SH3BP5: variants seen among roughly 807,000 people sequenced by gnomAD.
SH3BP5 encodes the protein SH3 domain-binding protein 5.
A neutral mutation model predicts 43.3 loss-of-function variants in SH3BP5; 22 were observed. The observed-to-expected ratio is 0.51, with a 90% confidence interval of 0.36 to 0.73. The LOEUF (loss-of-function observed/expected upper bound fraction) is 0.73. Ranked by LOEUF, SH3BP5 falls within the 30% of genes least tolerant of loss-of-function variation. The pLI, the probability that SH3BP5 is intolerant of heterozygous loss-of-function variation, is 0.00. For missense variants in SH3BP5, 529 were observed against 586.9 expected, an observed-to-expected ratio of 0.90 and a Z score of 1.02; for synonymous variants, 255 against 225.8, an observed-to-expected ratio of 1.13 and a Z score of -1.16.
intron 3 of SH3BP5, among the ~76,000 whole-genome samples, chr3:15,290,771 C>T (rs571881629): frequency 1.3e-5 from 2 of 152,176 alleles, no homozygotes; most frequent in East Asian, 3.9e-4. Context: ...CCCATCATTG[C>T]CTTAACTGAA....
chr3:15,310,118 T>C (rs1043972383), intron 2 of SH3BP5, among the ~76,000 whole-genome samples: 2 of 152,178 alleles, frequency 1.3e-5, no homozygotes, highest in Non-Finnish European at 2.9e-5. Context: ...ACAGTCATAC[T>C]CCTAGCCACA....
upstream of SH3BP5, among the ~76,000 whole-genome samples, chr3:15,336,571 G>C (rs976367482): frequency 6.6e-6 from 1 of 152,130 alleles, no homozygotes; most frequent in East Asian, 1.9e-4. Context: ...GGGGATGTGG[G>C]GCAGAGGGCA....
At chr3:15,331,953 A>C in intron 1 of SH3BP5, 1 of 276,674 alleles carries the variant, frequency 3.6e-6, no homozygotes, top group Non-Finnish European at 6.9e-6. Context: ...CCCCGAGGAT[A>C]CCATGGCGCC....
At chr3:15,319,812 G>C (rs922892508) in intron 2 of SH3BP5, among the ~76,000 whole-genome samples, 18 of 152,090 alleles carry the variant, frequency 1.2e-4, no homozygotes, top group Admixed American at 4.6e-4. Context: ...GTCCAACCAA[G>C]CCCTCAAGGA....
chr3:15,261,118 C>T (rs528487068), intron 5 of SH3BP5, among the ~76,000 whole-genome samples: 7 of 152,310 alleles, frequency 4.6e-5, no homozygotes, highest in African/African-American at 1.4e-4. Context: ...CCTCCTGCCT[C>T]CCCTGCAGAA....
At chr3:15,325,631 A>G (rs1219332855) in intron 2 of SH3BP5, among the ~76,000 whole-genome samples, 1 of 152,238 alleles carries the variant, frequency 6.6e-6, no homozygotes, top group Non-Finnish European at 1.5e-5. Context: ...TAAGCCTCAG[A>G]AAAGCAGGGA....
rs1384677987 is a variant in SH3BP5, at chr3:15,262,823, TG to T, written c.496-535del. Among the ~76,000 whole-genome samples the T allele has an allele frequency of 6.6e-5, 10 of 152,052 alleles. No homozygotes were observed. In the East Asian group the frequency reaches 1.9e-3, roughly 30 times the overall value. On this transcript the variant is annotated intron_variant, in intron 4 of 8. Transcript: ENST00000383791. Reference sequence around the variant, plus strand: ...AAATATAAACATTTGCCAGGCATGGTGGCACATGCCTGTAGTCCCAGCTACT... The same window carrying T: ...AAATATAAACATTTGCCAGGCATGGTGCACATGCCTGTAGTCCCAGCTACT...
In SH3BP5 at chr3:15,330,654, C is replaced by A. The variant is rs937128668; in HGVS notation, c.139-88G>T. The A allele has an allele frequency of 9.3e-6, 13 of 1,391,902 alleles. 2 individuals are homozygous for A. Among genetic ancestry groups the A allele is most frequent in the Admixed American group, 6.5e-5 (2 of 30,730 alleles). 86.2% of individuals were successfully genotyped at this position (1,391,902 alleles called of 1,614,324 possible). A position where few individuals can be genotyped will look rare whatever the true frequency, so the allele number is the denominator to read the frequency against. ...TCAGTCCATAACCTGAAAAATTACC[C>A]CAGCCCAATTTGCAGGAAAAGGGAA... On this transcript the variant is annotated intron_variant, in intron 1 of 8. Coordinates refer to ENST00000383791, the MANE Select transcript of SH3BP5 (RefSeq NM_004844.5).
intron 4 of SH3BP5, among the ~76,000 whole-genome samples, chr3:15,266,360 C>T (rs1253892430): frequency 6.6e-6 from 1 of 152,230 alleles, no homozygotes; most frequent in Non-Finnish European, 1.5e-5. Context: ...GAAGGGCTGG[C>T]CCTGCGTCGT....
At chr3:15,296,601 TA>T (rs766135168) in intron 3 of SH3BP5, among the ~76,000 whole-genome samples, 8 of 151,940 alleles carry the variant, frequency 5.3e-5, no homozygotes, top group Non-Finnish European at 8.8e-5. Flanking sequence ...CACAGACATG[TA>T]AAGTAATAAC....
chr3:15,296,772 C>T (rs976626158), intron 3 of SH3BP5, among the ~76,000 whole-genome samples: 1 of 148,260 alleles, frequency 6.7e-6, no homozygotes, highest in African/African-American at 2.5e-5. Flanking sequence ...CAGCTCCACG[C>T]AGCCTTGACT....
chr3:15,292,925 A>C (rs989392206), intron 3 of SH3BP5, among the ~76,000 whole-genome samples: 1 of 152,220 alleles, frequency 6.6e-6, no homozygotes, highest in African/African-American at 2.4e-5. Context: ...AGGCAGAGCC[A>C]GCCAAGCAGG....
At chr3:15,333,819 T>G (rs1307717651), upstream of SH3BP5, among the ~76,000 whole-genome samples, 1 of 152,238 alleles carries the variant, frequency 6.6e-6, no homozygotes, top group Middle Eastern at 3.2e-3. Flanking sequence ...TGTTCATTGC[T>G]CTTTAAATCA....
intron 2 of SH3BP5, among the ~76,000 whole-genome samples, chr3:15,320,640 A>ACACACACACACACACCCCCC (rs373879792): frequency 6.7e-6 from 1 of 149,560 alleles, no homozygotes; most frequent in African/African-American, 2.5e-5. Flanking sequence ...ACACACACAC[A>ACACACACACACACACCCCCC]CCCCACTACG....
chr3:15,258,602 G>A (rs1345862222), intron 7 of SH3BP5: 1 of 564,614 alleles, frequency 1.8e-6, no homozygotes, highest in Non-Finnish European at 3.1e-6. Flanking sequence ...AGGAGTGAAG[G>A]TGTAACATTT....
chr3:15,302,812 C>CTT (rs140719216), intron 3 of SH3BP5, among the ~76,000 whole-genome samples: 6 of 146,376 alleles, frequency 4.1e-5, no homozygotes, highest in Non-Finnish European at 7.6e-5. Context: ...TTTTTTCTTT[C>CTT]TTTTTTTTTT....
intron 3 of SH3BP5, among the ~76,000 whole-genome samples, chr3:15,279,370 G>A (rs908553891): frequency 2.6e-5 from 4 of 151,934 alleles, no homozygotes; most frequent in Admixed American, 6.6e-5. Context: ...AGAAAACCAC[G>A]GGCAGTCTTA....
Position 15,308,693 on chromosome 3 carries a change from G to A in SH3BP5, c.202-4462C>T, listed in dbSNP as rs543384572. On this transcript the variant is annotated intron_variant, in intron 2 of 8. Transcript: ENST00000383791. ...GGGCATGGCACAGTGGGGAGAAGGG[G>A]AGATTACTTCTTGTTTCTTTCTTTG... is the stretch of plus-strand genomic sequence containing the variant. Among the ~76,000 whole-genome samples the A allele has an allele frequency of 2.6e-5, 4 of 152,306 alleles. No homozygotes were observed. In the East Asian group the frequency reaches 7.7e-4, roughly 29 times the overall value.
chr3:15,297,295 T>C (rs929471380), intron 3 of SH3BP5, among the ~76,000 whole-genome samples: 1 of 152,084 alleles, frequency 6.6e-6, no homozygotes, highest in Non-Finnish European at 1.5e-5. Context: ...TCAACCTACC[T>C]GGGCTCACTC....
Sources: gnomAD v4.1 joint callset for allele counts (sites outside exome capture counted in the v4.1 genomes callset) on GRCh38, gnomAD v4.1.1 for gene constraint, MANE v1.5 for transcripts, NCBI Gene and HGNC (gene_info 2026-07-23, HGNC 2026-07-21) for gene names.